BRD8: variants seen among roughly 807,000 people sequenced by gnomAD.
BRD8 encodes bromodomain containing 8, also known as bromodomain-containing protein 8.
Under a neutral mutation model 143.1 loss-of-function variants are expected in BRD8, and 67 were observed. That is an observed-to-expected ratio of 0.47 (90% confidence interval 0.38 to 0.57). The LOEUF is 0.57. Ranked by LOEUF, BRD8 falls within the 20% of genes least tolerant of loss-of-function variation. The pLI is 0.00. For missense variants in BRD8, 1,103 were observed against 1,503.0 expected (o/e 0.73, Z 4.40); for synonymous variants, 505 against 517.1 (o/e 0.98, Z 0.32).
intron 7 of BRD8, among the ~76,000 whole-genome samples, chr5:138,169,921 T>C (rs1753735384): frequency 6.6e-6 from 1 of 152,154 alleles, no homozygotes; most frequent in African/African-American, 2.4e-5. Flanking sequence ...ATCGCGCCAC[T>C]GCACTCCAGC....
At chr5:138,146,796 G>A (rs1317713127) in intron 23 of BRD8, among the ~76,000 whole-genome samples, 2 of 150,946 alleles carry the variant, frequency 1.3e-5, no homozygotes, top group Non-Finnish European at 2.9e-5. Flanking sequence ...GTGAAACCCC[G>A]TTTCTACTAA....
chr5:138,156,803 T>C, intron 20 of BRD8: 7 of 965,362 alleles, frequency 7.3e-6, no homozygotes, highest in Non-Finnish European at 7.4e-6. Context: ...GAAATAGTTA[T>C]GCAGAAGAAA....
At chr5:138,168,750 T>C (rs1753637753) in intron 8 of BRD8, 5 of 848,182 alleles carry the variant, frequency 5.9e-6, no homozygotes, top group African/African-American at 3.4e-5. Context: ...CCTACTAATC[T>C]GTATGGGTTA....
In BRD8 at chr5:138,152,737, C is replaced by T; in HGVS notation, c.2601G>A (p.Leu867=). 6.2e-7 allele frequency: 1 copy of T among 1,613,716 alleles called. No homozygotes were observed. The highest frequency in any genetic ancestry group is 8.5e-7 in the Non-Finnish European group (1 of 1,179,670). Residue 867 remains leucine (L), a synonymous_variant, in exon 21 of 27, where the codon CTG becomes CTA. Transcript: ENST00000254900. ...SLFMGHEWVW[L]DSEQDHPNDS... is the part of the protein sequence containing the mutation. Reference sequence around the variant, plus strand: ...CATTGGGATGATCTTGTTCAGAATCCAGCCAAACCCACTCGTGTCCCATCT... The same window carrying T: ...CATTGGGATGATCTTGTTCAGAATCTAGCCAAACCCACTCGTGTCCCATCT...
intron 20 of BRD8, among the ~76,000 whole-genome samples, chr5:138,158,753 T>A (rs1363597183): frequency 6.6e-6 from 1 of 150,844 alleles, no homozygotes; most frequent in Non-Finnish European, 1.5e-5. Flanking sequence ...ACAGTGGTCA[T>A]TATTACTGAG....
At chr5:138,167,779 T>G in intron 9 of BRD8, 155 bp downstream of exon 9, 1 of 654,348 alleles carries the variant, frequency 1.5e-6, no homozygotes, top group East Asian at 2.7e-5. Flanking sequence ...ATATGGAGAC[T>G]ACATTGTTTA....
intron 1 of BRD8, 139 bp from the exon 2 acceptor site, chr5:138,177,806 C>T (rs1205365387): frequency 2.0e-6 from 1 of 491,972 alleles, no homozygotes; most frequent in African/African-American, 1.9e-5. Context: ...GCTACTATAA[C>T]CAAATCTTGA....
At chr5:138,144,090 G>A (rs1752034478) in intron 25 of BRD8, among the ~76,000 whole-genome samples, 1 of 151,820 alleles carries the variant, frequency 6.6e-6, no homozygotes, top group Non-Finnish European at 1.5e-5. Context: ...GCAAGACCAC[G>A]AACCCAACAA....
At chr5:138,166,447 G>A in intron 10 of BRD8, 71 bp downstream of exon 10, 1 of 939,688 alleles carries the variant, frequency 1.1e-6, no homozygotes, top group South Asian at 1.7e-5. Flanking sequence ...CGGAGCTGAT[G>A]CTCTTGGTCA....
chr5:138,156,057 G>A (rs1752580825), intron 20 of BRD8, among the ~76,000 whole-genome samples: 1 of 150,396 alleles, frequency 6.6e-6, no homozygotes, highest in South Asian at 2.1e-4. Context: ...TTTTTTTTGA[G>A]AAAGGGTCTC....
chr5:138,154,991 G>A (rs1752523655), intron 20 of BRD8, among the ~76,000 whole-genome samples: 1 of 151,696 alleles, frequency 6.6e-6, no homozygotes. Flanking sequence ...CACCATGCCT[G>A]GCCAATTTTT....
chr5:138,166,538 G>T lies in BRD8; in HGVS notation c.977C>A (p.Thr326Asn). The stretch of plus-strand genomic sequence containing the variant: ...CGCACCTGGAGCTACACTTTCAGTA[G>T]TGGAGACAGCCGGAGCAGAGGATGG... ...PAPSSAPAVS[T>N]TESVAPVSQP... Residue 326 changes from threonine to asparagine, a missense_variant, in exon 10 of 27, where the codon ACT (threonine) becomes AAT (asparagine). Physicochemically the swap from Thr to Asn is moderately conservative, Grantham distance 65. Around this residue, in one of 7 missense-constraint regions of BRD8, gnomAD observed 334 missense variants for 372.5 expected, o/e 0.90. Transcript: ENST00000254900. 6.2e-7 allele frequency: 1 copy of T among 1,612,742 alleles called. No homozygotes were observed. The highest frequency in any genetic ancestry group is 8.5e-7 in the Non-Finnish European group (1 of 1,179,118).
At chr5:138,150,292 G>A (rs1460335544) in intron 22 of BRD8, among the ~76,000 whole-genome samples, 1 of 151,618 alleles carries the variant, frequency 6.6e-6, no homozygotes, top group African/African-American at 2.4e-5. Context: ...GTTTTTTGTA[G>A]AGATGGTGTC....
chr5:138,165,173 CACA>C lies in BRD8; in HGVS notation c.1279-10_1279-8del. The stretch of plus-strand genomic sequence containing the variant: ...CTTCAGGATGATCATCTACCTGTCC[CACA>C]AAACACAAGACTATTGAGGTCACAG... On this transcript the variant is annotated splice_polypyrimidine_tract_variant and splice_region_variant and intron_variant, in intron 11 of 26. Transcript: ENST00000254900. 6.2e-7 allele frequency: 1 copy of C among 1,612,420 alleles called. No homozygotes were observed. The highest frequency in any genetic ancestry group is 8.5e-7 in the Non-Finnish European group (1 of 1,179,476).
At chr5:138,156,825 TACAC>T (rs67288912) in intron 20 of BRD8, 57,678 of 791,674 alleles carry the variant, frequency 0.073, 83 homozygotes, top group Non-Finnish European at 0.078. Flanking sequence ...AAGTTTCAAA[TACAC>T]ACACACACAC....
chr5:138,145,973 C>CATGT, intron 23 of BRD8, 95 bp from the exon 24 acceptor site: 1 of 888,024 alleles, frequency 1.1e-6, no homozygotes, highest in Admixed American at 2.2e-5. Context: ...AAGACATGCT[C>CATGT]CTAATTAATA....
At chr5:138,166,787 T>C (rs771141218) in intron 9 of BRD8, 60 bp from the exon 10 acceptor site, 1 of 1,024,124 alleles carries the variant, frequency 9.8e-7, no homozygotes, top group Non-Finnish European at 1.5e-6. Context: ...TAAGAAGCAA[T>C]AGCTACTTGA....
At chr5:138,147,045 G>C (rs1461059957) in intron 23 of BRD8, among the ~76,000 whole-genome samples, 1 of 150,080 alleles carries the variant, frequency 6.7e-6, no homozygotes, top group Non-Finnish European at 1.5e-5. Flanking sequence ...TGTCATCTCT[G>C]CACTCTATTG....
Position 138,145,176 on chromosome 5 carries a change from C to A in BRD8, c.3437+1G>T, listed in dbSNP as rs758512613. The A allele has an allele frequency of 1.2e-6, 2 of 1,611,960 alleles. No homozygotes were observed. Among genetic ancestry groups the A allele is most frequent in the East Asian group, 4.5e-5 (2 of 44,848 alleles). On this transcript the variant is annotated splice_donor_variant, in intron 25 of 26. Coordinates refer to ENST00000254900, the MANE Select transcript of BRD8 (RefSeq NM_139199.2). LOFTEE classifies it high-confidence loss of function. ...CCTTTCTTGACCCCTTTTTCACTGA[C>A]CTTTTCACCACATCCTTGTACCCTG... is the stretch of plus-strand genomic sequence containing the variant.
Sources: allele counts gnomAD v4.1 joint callset (sites outside exome capture counted in the v4.1 genomes callset), GRCh38; gene constraint gnomAD v4.1.1; regional missense constraint gnomAD v4.1.1; transcripts MANE v1.5; gene names NCBI Gene and HGNC (gene_info 2026-07-23, HGNC 2026-07-21).